Variants in PARN observed in about 807,000 individuals in gnomAD.
PARN encodes poly(A)-specific ribonuclease.
PARN carries 71 observed loss-of-function variants against 102.8 expected under a neutral mutation model. That is an observed-to-expected ratio of 0.69 (90% CI 0.57 to 0.84). The LOEUF is 0.84. Ranked by LOEUF, PARN falls within the 40% of genes least tolerant of loss-of-function variation. The probability of loss-of-function intolerance (pLI) is 0.00; values close to 1 mark genes in which losing one functional copy is unlikely to be tolerated. For synonymous variants in PARN, 261 were observed against 252.9 expected (o/e 1.03, Z -0.30); for missense variants, 782 against 760.9 (o/e 1.03, Z -0.33).
At chr16:14,457,554 C>T (rs1200868099) in intron 22 of PARN, among the ~76,000 whole-genome samples, 1 of 151,984 alleles carries the variant, frequency 6.6e-6, no homozygotes, top group Non-Finnish European at 1.5e-5. Flanking sequence ...AATCCCTGCA[C>T]TTTGGGAGGC....
intron 5 of PARN, among the ~76,000 whole-genome samples, chr16:14,620,997 G>T (rs549509113): frequency 6.6e-6 from 1 of 151,998 alleles, no homozygotes; most frequent in East Asian, 1.9e-4. Context: ...AAAACAAATC[G>T]TTTTGAAATG....
At chr16:14,528,111 G>A in intron 21 of PARN, among the ~76,000 whole-genome samples, 1 of 152,204 alleles carries the variant, frequency 6.6e-6, no homozygotes, top group East Asian at 1.9e-4. Context: ...GCCCAAACCA[G>A]CTGCTCAAAC....
At chr16:14,589,588 G>A (rs1019345806) in intron 13 of PARN, among the ~76,000 whole-genome samples, 2 of 151,758 alleles carry the variant, frequency 1.3e-5, no homozygotes, top group African/African-American at 2.4e-5. Context: ...AAAAATGGCC[G>A]GGCATAATGG....
At chr16:14,557,109 G>C (rs1422141256) in intron 18 of PARN, among the ~76,000 whole-genome samples, 1 of 152,100 alleles carries the variant, frequency 6.6e-6, no homozygotes, top group African/African-American at 2.4e-5. Flanking sequence ...TTGTGTGTAA[G>C]ATTATTTTAA....
intron 21 of PARN, among the ~76,000 whole-genome samples, chr16:14,503,557 A>T (rs1044610393): frequency 1.3e-5 from 2 of 152,206 alleles, no homozygotes; most frequent in African/African-American, 4.8e-5. Context: ...GAAAGGTGGG[A>T]ATCCTGTCCT....
chr16:14,557,425 C>T (rs1432233946), intron 18 of PARN, among the ~76,000 whole-genome samples: 1 of 151,966 alleles, frequency 6.6e-6, no homozygotes, highest in Non-Finnish European at 1.5e-5. Context: ...GGCATGGTAG[C>T]AGGCACCTGT....
At chr16:14,598,022 T>C (rs962650943) in intron 12 of PARN, among the ~76,000 whole-genome samples, 4 of 152,222 alleles carry the variant, frequency 2.6e-5, no homozygotes, top group South Asian at 4.1e-4. Flanking sequence ...CAGGCACCTG[T>C]AATCCCAGCT....
intron 21 of PARN, among the ~76,000 whole-genome samples, chr16:14,534,798 T>C (rs1272427764): frequency 6.6e-6 from 1 of 152,062 alleles, no homozygotes; most frequent in Non-Finnish European, 1.5e-5. Context: ...CTACTATTAA[T>C]AGCTGGACTG....
chr16:14,603,116 G>C (rs1348244862), intron 11 of PARN, among the ~76,000 whole-genome samples: 1 of 151,962 alleles, frequency 6.6e-6, no homozygotes, highest in African/African-American at 2.4e-5. Flanking sequence ...TAGAGATGGG[G>C]TTTCGCTATG....
chr16:14,466,235 AG>A (rs1962342702), intron 22 of PARN, among the ~76,000 whole-genome samples: 1 of 152,236 alleles, frequency 6.6e-6, no homozygotes, highest in Non-Finnish European at 1.5e-5. Context: ...GTTGTCTCTG[AG>A]GGACAGGATG....
chr16:14,588,633 C>G (rs974105891), intron 13 of PARN, among the ~76,000 whole-genome samples: 1 of 152,084 alleles, frequency 6.6e-6, no homozygotes, highest in Admixed American at 6.6e-5. Context: ...AATCCCAGCA[C>G]TTTGGAAAGC....
At chr16:14,487,177 C>A (rs1039950930) in intron 21 of PARN, among the ~76,000 whole-genome samples, 7 of 152,240 alleles carry the variant, frequency 4.6e-5, no homozygotes, top group Non-Finnish European at 1.0e-4. Flanking sequence ...ATGTTCTAGT[C>A]ACCACACAAA....
rs376472487 is a variant in PARN, at chr16:14,544,694, G to C, written c.1480+7327C>G. Among the ~76,000 whole-genome samples the C allele has an allele frequency of 3.9e-5, 6 of 152,206 alleles. No individual in the cohort carries two copies. The East Asian group carries it at 9.6e-4, about 24-fold the overall frequency. On this transcript the variant is annotated intron_variant, in intron 21 of 23. Transcript: ENST00000437198. ...AATAATAGTATTACAAAAGATAAAG[G>C]AGAACATTTTATAAAGAGGCCAGTT...
intron 21 of PARN, among the ~76,000 whole-genome samples, chr16:14,542,530 A>G (rs1005182929): frequency 4.6e-5 from 7 of 151,872 alleles, no homozygotes; most frequent in Admixed American, 1.3e-4. Flanking sequence ...AATGAGGTAA[A>G]GAAATAAAGA....
intron 21 of PARN, among the ~76,000 whole-genome samples, chr16:14,528,950 C>T (rs1596583120): frequency 1.3e-5 from 2 of 152,120 alleles, no homozygotes; most frequent in South Asian, 4.1e-4. Flanking sequence ...CTGCAAGAAA[C>T]GAGAGAAAAA....
intron 21 of PARN, among the ~76,000 whole-genome samples, chr16:14,486,236 T>C (rs1963681959): frequency 6.6e-6 from 1 of 152,128 alleles, no homozygotes. Flanking sequence ...ATGTGGTGGC[T>C]TCAGACTATA....
At chr16:14,601,544 A>G (rs968062453) in intron 11 of PARN, among the ~76,000 whole-genome samples, 1 of 152,218 alleles carries the variant, frequency 6.6e-6, no homozygotes, top group East Asian at 1.9e-4. Flanking sequence ...TTGCACAGCA[A>G]TGTTAAACTA....
At chr16:14,485,465 G>A (rs1427889064) in intron 21 of PARN, among the ~76,000 whole-genome samples, 1 of 152,074 alleles carries the variant, frequency 6.6e-6, no homozygotes, top group African/African-American at 2.4e-5. Context: ...TCTCTTAAAG[G>A]TCACCCTGTC....
chr16:14,501,760 CT>C (rs1227420322), intron 21 of PARN: 1 of 152,190 alleles, frequency 6.6e-6, no homozygotes, highest in Non-Finnish European at 1.5e-5. Context: ...AGCACATGCT[CT>C]GCCCACAAGC....
Sources: allele counts gnomAD v4.1 joint callset (sites outside exome capture counted in the v4.1 genomes callset), GRCh38; gene constraint gnomAD v4.1.1; transcripts MANE v1.5; gene names NCBI Gene and HGNC (gene_info 2026-07-23, HGNC 2026-07-21).